The following MAST1 variants were observed in gnomAD, a reference collection of about 807,000 sequenced individuals.
MAST1 encodes microtubule associated serine/threonine kinase 1.
A neutral mutation model predicts 124.6 loss-of-function variants in MAST1; 40 were observed. The observed-to-expected ratio is 0.32, with a 90% CI of 0.25 to 0.42. The LOEUF (loss-of-function observed/expected upper bound fraction) is 0.42, where lower values mean the gene tolerates loss of function less well. Ranked by LOEUF, MAST1 falls within the 10% of genes least tolerant of loss-of-function variation. The pLI is 1.00. For synonymous variants in MAST1, 938 were observed against 939.4 expected (o/e 1.00, Z 0.03); for missense variants, 1,558 against 2,181.9 (o/e 0.71, Z 5.70).
At position 12,847,578 on chromosome 19, in the gene MAST1, G is replaced by A; in HGVS notation, c.489-34G>A. ...GGGGCTCTCTGCGGGCTTGGAGGCAGAGGACTCGACAAAATGGGCTTCTCT... is the reference window on the plus strand; with the variant it reads ...GGGGCTCTCTGCGGGCTTGGAGGCAAAGGACTCGACAAAATGGGCTTCTCT... On this transcript the variant is annotated intron_variant, in intron 5 of 25. Transcript: ENST00000251472. The surrounding 1 kb of genome is among the most constrained non-coding windows in gnomAD (Gnocchi z 5.5). 1 of 1,613,994 alleles carries A rather than the reference G, an allele frequency of 6.2e-7. No individual in the cohort carries two copies. The highest frequency in any genetic ancestry group is 2.2e-5 in the East Asian group (1 of 44,860).
In MAST1 at chr19:12,847,994, C is replaced by T; in HGVS notation, c.711C>T (p.Asp237=). ...LARDCLTKSR[D]GLITTVYFYE... Reference sequence around the variant, plus strand: ...GGGACTGCCTGACCAAGTCCCGTGACGGCCTCATCACCACGGTCTACTTCT... The same window carrying T: ...GGGACTGCCTGACCAAGTCCCGTGATGGCCTCATCACCACGGTCTACTTCT... The change falls in exon 7 of 26, where the codon GAC becomes GAT. Residue 237 remains aspartate (D), a synonymous_variant. Coordinates refer to ENST00000251472, the MANE Select transcript of MAST1 (RefSeq NM_014975.3). The surrounding 1 kb of genome is among the most constrained non-coding windows in gnomAD (Gnocchi z 5.5). The T allele has an allele frequency of 6.2e-7, 1 of 1,614,190 alleles. No homozygotes were observed. The highest frequency in any genetic ancestry group is 8.5e-7 in the Non-Finnish European group (1 of 1,180,014).
At chr19:12,869,433 T>C (rs977896133) in intron 22 of MAST1, 138 bp downstream of exon 22, 4 of 685,270 alleles carry the variant, frequency 5.8e-6, no homozygotes, top group East Asian at 2.7e-5. Context: ...CTGTTTCTTT[T>C]TTCTTTTACT....
At position 12,871,161 on chromosome 19, in the gene MAST1, G is replaced by A; in HGVS notation, c.3252G>A (p.Glu1084=). The change falls in exon 24 of 26, where the codon GAG becomes GAA. Residue 1084 remains glutamate, a synonymous_variant. Transcript: ENST00000251472. The part of the protein sequence containing the change: ...ARRNKRPSAK[E]GQESKKRSSL... ...GGAACAAGCGACCCTCCGCCAAGGAGGGCCAGGAGAGGTGGGCACAGCCGT... is the reference window on the plus strand; with the variant it reads ...GGAACAAGCGACCCTCCGCCAAGGAAGGCCAGGAGAGGTGGGCACAGCCGT... 6.2e-7 allele frequency: 1 copy of A among 1,614,152 alleles called. No individual in the cohort carries two copies. The highest frequency in any genetic ancestry group is 8.5e-7 in the Non-Finnish European group (1 of 1,180,036).
rs1970271483 is a variant in MAST1 at position 12,873,688 on chromosome 19, C to T, written c.3531C>T (p.Pro1177=). The part of the protein sequence containing the change: ...PASSASHHIR[P]STLHGLSPKL... The stretch of plus-strand genomic sequence containing the variant: ...CGTCGGCGTCGCACCACATTCGGCC[C>T]AGCACGCTGCACGGACTGTCGCCAA... Residue 1177 remains proline, a synonymous_variant, in exon 26 of 26, where the codon CCC becomes CCT. Transcript: ENST00000251472. The T allele has an allele frequency of 6.2e-7, 1 of 1,601,554 alleles. No individual in the cohort carries two copies. Among genetic ancestry groups the T allele is most frequent in the Non-Finnish European group, 8.5e-7 (1 of 1,178,476 alleles).
At chr19:12,856,459 C>T (rs574596247) in intron 10 of MAST1, among the ~76,000 whole-genome samples, 6 of 151,938 alleles carry the variant, frequency 3.9e-5, no homozygotes, top group Non-Finnish European at 5.9e-5. Context: ...ACCACCACCA[C>T]GCCTGGCTAA....
chr19:12,853,615 C>T (rs1259330190), intron 10 of MAST1, among the ~76,000 whole-genome samples: 4 of 151,390 alleles, frequency 2.6e-5, no homozygotes, highest in African/African-American at 9.7e-5. Context: ...TGCATGTAAT[C>T]CTAGTACTTT....
chr19:12,868,547 G>T, intron 20 of MAST1, 96 bp from the exon 21 acceptor site: 3 of 1,074,434 alleles, frequency 2.8e-6, no homozygotes, highest in Non-Finnish European at 2.7e-6. Context: ...CATCCATCAA[G>T]GGTAAAAAGT....
chr19:12,867,714 C>A lies in MAST1; in HGVS notation c.2319-16C>A. Reference sequence around the variant, plus strand: ...GAAGGGGGCGTGTCTTCCATAACCACGCCCCCTCCATGCAGCAAGCGATTC... The same window carrying A: ...GAAGGGGGCGTGTCTTCCATAACCAAGCCCCCTCCATGCAGCAAGCGATTC... On this transcript the variant is annotated splice_polypyrimidine_tract_variant and intron_variant, in intron 19 of 25. Coordinates refer to ENST00000251472, the MANE Select transcript of MAST1 (RefSeq NM_014975.3). The A allele has an allele frequency of 1.3e-6, 2 of 1,532,542 alleles. No homozygotes were observed. Among genetic ancestry groups the A allele is most frequent in the Middle Eastern group, 3.5e-4 (2 of 5,736 alleles). The allele number at this position is 1,532,542 out of a possible 1,614,324, so 94.9% of individuals were successfully genotyped here.
Position 12,865,190 on chromosome 19 carries a change from G to C in MAST1, c.1638+12G>C. ...TCCTGGACAAACAGGTGTGTGTGCG[G>C]GCATGGGGGTCGCTGAGGGTGGAGT... On this transcript the variant is annotated intron_variant, in intron 14 of 25. Transcript: ENST00000251472. This position sits in a 1 kb window ranked among gnomAD's most constrained non-coding sequence, Gnocchi z 7.1. 1 of 1,612,942 alleles carries C rather than the reference G, an allele frequency of 6.2e-7. No homozygotes were observed. Among genetic ancestry groups the C allele is most frequent in the Non-Finnish European group, 8.5e-7 (1 of 1,179,306 alleles).
At chr19:12,860,035 A>G (rs1382125450) in intron 12 of MAST1, among the ~76,000 whole-genome samples, 1 of 149,840 alleles carries the variant, frequency 6.7e-6, no homozygotes, top group African/African-American at 2.5e-5. Context: ...CTTTCCATCC[A>G]TCCCTCACAT....
intron 12 of MAST1, among the ~76,000 whole-genome samples, chr19:12,860,046 C>T (rs1191692589): frequency 6.6e-6 from 1 of 151,794 alleles, no homozygotes; most frequent in African/African-American, 2.4e-5. Context: ...TCCCTCACAT[C>T]CCGCAATTTG....
chr19:12,839,664 A>G (rs1252543047), intron 1 of MAST1, among the ~76,000 whole-genome samples: 1 of 152,256 alleles, frequency 6.6e-6, no homozygotes, highest in Non-Finnish European at 1.5e-5. Context: ...ATGGACAAGC[A>G]TGGTGAATGT....
Position 12,874,284 on chromosome 19 carries a change from C to T in MAST1, c.4127C>T (p.Thr1376Ile), listed in dbSNP as rs755532801. The change falls in exon 26 of 26, where the codon ACC becomes ATC. Residue 1376 changes from threonine (T) to isoleucine (I), a missense_variant. This residue lies in a region of MAST1 where 263 missense variants were observed against 310.9 expected (regional missense o/e 0.85). Coordinates refer to ENST00000251472, the MANE Select transcript of MAST1 (RefSeq NM_014975.3). The surrounding 1 kb of genome is among the most constrained non-coding windows in gnomAD (Gnocchi z 6.6). The stretch of plus-strand genomic sequence containing the variant: ...GCGTGCACCCCACCCCGCGCGACGA[C>T]CCCCGGTGGCCGGACCCTGGAGCGG... The part of the protein sequence containing the change: ...AEACTPPRAT[T>I]PGGRTLERDV... 4 of 1,589,998 alleles carry T rather than the reference C, an allele frequency of 2.5e-6. No individual in the cohort carries two copies. The highest frequency in any genetic ancestry group is 1.3e-5 in the African/African-American group (1 of 74,520).
chr19:12,868,353 C>T (rs1970189076), intron 20 of MAST1, among the ~76,000 whole-genome samples: 1 of 151,886 alleles, frequency 6.6e-6, no homozygotes, highest in African/African-American at 2.4e-5. Context: ...AAGTGATCTG[C>T]CTTCCTTGGC....
chr19:12,838,607 T>G lies in MAST1; in HGVS notation c.35T>G (p.Phe12Cys), dbSNP rs780835337. The part of the protein sequence containing the change: ...SDSLWTALSN[F>C]SMPSFPGGSM... Reference sequence around the variant, plus strand: ...TCTCTCTGGACCGCGCTTTCTAATTTCTCGATGCCCTCCTTCCCCGGCGGC... The same window carrying G: ...TCTCTCTGGACCGCGCTTTCTAATTGCTCGATGCCCTCCTTCCCCGGCGGC... The change falls in exon 1 of 26, where the codon TTC becomes TGC. Residue 12 changes from phenylalanine to cysteine, a missense_variant. Around this residue, in one of 10 missense-constraint regions of MAST1, gnomAD observed 42 missense variants for 54.6 expected, o/e 0.77. Transcript: ENST00000251472. This position sits in a 1 kb window ranked among gnomAD's most constrained non-coding sequence, Gnocchi z 4.3. The G allele has an allele frequency of 8.1e-6, 13 of 1,609,802 alleles. No homozygotes were observed. In the African/African-American group the frequency reaches 1.8e-4, roughly 22 times the overall value.
At chr19:12,858,329 G>A (rs1477943196) in intron 10 of MAST1, 33 bp from the exon 11 acceptor site, 1 of 1,576,760 alleles carries the variant, frequency 6.3e-7, no homozygotes, top group Non-Finnish European at 8.7e-7. Context: ...TCATGATGAT[G>A]ATGGTGGTGT....
Position 12,868,826 on chromosome 19 carries a change from C to A in MAST1, c.2750C>A (p.Ala917Asp). 2 of 1,589,188 alleles carry A rather than the reference C, an allele frequency of 1.3e-6. No individual in the cohort carries two copies. Among genetic ancestry groups the A allele is most frequent in the African/African-American group, 1.3e-5 (1 of 74,646 alleles). ...GKVIKSASATALSVMIPAVDP... is the reference protein window; with the variant it reads ...GKVIKSASATDLSVMIPAVDP... ...GTCATCAAATCAGCCTCAGCCACTG[C>A]CTTATCTGTCATGATTCCTGCAGGT... The change falls in exon 21 of 26, where the codon GCC becomes GAC. Residue 917 changes from alanine (A) to aspartate (D), a missense_variant. By Grantham distance (126) the Ala-to-Asp change is moderately radical. Around this residue, in one of 10 missense-constraint regions of MAST1, gnomAD observed 291 missense variants for 475.8 expected, o/e 0.61. Transcript: ENST00000251472.
chr19:12,847,966 C>T lies in MAST1; in HGVS notation c.683C>T (p.Ala228Val). 6.2e-7 allele frequency: 1 copy of T among 1,614,130 alleles called. No homozygotes were observed. The highest frequency in any genetic ancestry group is 8.5e-7 in the Non-Finnish European group (1 of 1,179,982). Residue 228 changes from alanine (A) to valine (V), a missense_variant, in exon 7 of 26, where the codon GCC (alanine) becomes GTC (valine). Ala to Val is a moderately conservative substitution (Grantham distance 64, BLOSUM62 0). Coordinates refer to ENST00000251472, the MANE Select transcript of MAST1 (RefSeq NM_014975.3). The surrounding 1 kb of genome is among the most constrained non-coding windows in gnomAD (Gnocchi z 5.5). ...SFIHHQIIEL[A>V]RDCLTKSRDG... The stretch of plus-strand genomic sequence containing the variant: ...ATCCACCACCAGATCATCGAGCTGG[C>T]CCGGGACTGCCTGACCAAGTCCCGT...
At chr19:12,840,597 G>A (rs978069576) in intron 2 of MAST1, 63 bp downstream of exon 2, 4 of 1,226,600 alleles carry the variant, frequency 3.3e-6, no homozygotes, top group African/African-American at 3.0e-5. Context: ...GGCCTCAGGC[G>A]AGGAAGCGTG....
Sources: gnomAD v4.1 joint callset for allele counts (sites outside exome capture counted in the v4.1 genomes callset) on GRCh38, gnomAD v4.1.1 for gene constraint, gnomAD v4.1.1 regional missense constraint, Gnocchi (gnomAD v3.1) non-coding constraint, MANE v1.5 for transcripts, NCBI Gene and HGNC (gene_info 2026-07-23, HGNC 2026-07-21) for gene names.